The following LAMA2 variants were observed in gnomAD, a reference collection of about 807,000 sequenced individuals.
LAMA2 encodes the protein laminin subunit alpha 2, also known as laminin subunit alpha-2.
LAMA2 carries 269 observed loss-of-function variants against 364.8 expected under a neutral mutation model. That is an observed-to-expected ratio of 0.74 (90% CI 0.67 to 0.82). The LOEUF (loss-of-function observed/expected upper bound fraction) is 0.82, where lower values mean the gene tolerates loss of function less well. Among genes scored for constraint, LAMA2 ranks in the 40% least tolerant of loss-of-function variants. The pLI is 0.00. For synonymous variants in LAMA2, 1,379 were observed against 1,370.6 expected (o/e 1.01, Z -0.14); for missense variants, 3,807 against 3,873.2 (o/e 0.98, Z 0.45).
chr6:129,148,955 T>C (rs1160506211), intron 6 of LAMA2, 24 bp from the exon 7 acceptor site: 6 of 1,512,636 alleles, frequency 4.0e-6, no homozygotes, highest in Middle Eastern at 3.4e-4. Context: ...CTAAAATTTG[T>C]GCTTCCTCCC....
At chr6:129,074,803 G>T (rs913107387) in intron 3 of LAMA2, among the ~76,000 whole-genome samples, 1 of 152,104 alleles carries the variant, frequency 6.6e-6, no homozygotes, top group Non-Finnish European at 1.5e-5. Flanking sequence ...GGGATCGTGT[G>T]GAAAATCTGG....
chr6:129,027,832 TAA>T (rs1458077429), intron 1 of LAMA2, among the ~76,000 whole-genome samples: 6 of 151,804 alleles, frequency 4.0e-5, no homozygotes, highest in Admixed American at 1.3e-4. Flanking sequence ...TTGAGAATAT[TAA>T]GAGATAAAAT....
At chr6:128,941,381 T>C (rs904010121) in intron 1 of LAMA2, among the ~76,000 whole-genome samples, 1 of 152,154 alleles carries the variant, frequency 6.6e-6, no homozygotes. Flanking sequence ...AAGTTTGTGT[T>C]AGAAGGGTCA....
chr6:129,392,932 T>A, intron 36 of LAMA2, 113 bp from the exon 37 acceptor site: 1 of 849,512 alleles, frequency 1.2e-6, no homozygotes, highest in Non-Finnish European at 1.9e-6. Flanking sequence ...CATGTTTTCT[T>A]ATTTTCTCAT....
chr6:129,276,871 A>G (rs1788361703), intron 17 of LAMA2, among the ~76,000 whole-genome samples: 1 of 152,108 alleles, frequency 6.6e-6, no homozygotes, highest in African/African-American at 2.4e-5. Flanking sequence ...GAACAAGGTT[A>G]ATTGTTTCTC....
chr6:129,053,311 T>C (rs1788223610), intron 2 of LAMA2, among the ~76,000 whole-genome samples: 1 of 152,074 alleles, frequency 6.6e-6, no homozygotes, highest in Non-Finnish European at 1.5e-5. Context: ...TTGATCCAAC[T>C]GCCTCGGCCT....
intron 4 of LAMA2, among the ~76,000 whole-genome samples, chr6:129,123,075 G>A (rs1217111962): frequency 6.6e-6 from 1 of 152,020 alleles, no homozygotes; most frequent in African/African-American, 2.4e-5. Flanking sequence ...GCTGAGGCAG[G>A]CAGAGCATTT....
chr6:129,147,985 T>C (rs1778569332), intron 6 of LAMA2, among the ~76,000 whole-genome samples: 1 of 152,020 alleles, frequency 6.6e-6, no homozygotes, highest in Non-Finnish European at 1.5e-5. Flanking sequence ...TGCAGGTTTG[T>C]TACATAGGTA....
At chr6:128,884,480 A>G (rs1053768044) in intron 1 of LAMA2, among the ~76,000 whole-genome samples, 7 of 152,180 alleles carry the variant, frequency 4.6e-5, no homozygotes, top group Non-Finnish European at 1.5e-5. Flanking sequence ...AGCCAAGTCA[A>G]TAGTTCTGAT....
At chr6:129,205,249 G>A (rs1295797473) in intron 12 of LAMA2, among the ~76,000 whole-genome samples, 2 of 151,568 alleles carry the variant, frequency 1.3e-5, no homozygotes, top group Non-Finnish European at 2.9e-5. Flanking sequence ...AAAATTAGCT[G>A]GACCTAGTGG....
In LAMA2 at chr6:129,478,778, G is replaced by A. The variant is rs749794799; in HGVS notation, c.7537G>A (p.Asp2513Asn). The A allele has an allele frequency of 1.1e-5, 18 of 1,613,074 alleles. No individual in the cohort carries two copies. In the Admixed American group the frequency reaches 1.8e-4, roughly 16 times the overall value. ...RTPYNILSSP[D>N]YVGVTKGCSL... ...TCCGTACAATATACTCAGTAGTCCC[G>A]ATTATGTTGGTGTTACCAAAGGATG... Residue 2513 changes from aspartate to asparagine, a missense_variant, in exon 54 of 65, where the codon GAT (aspartate) becomes AAT (asparagine). Asp to Asn is a conservative substitution (Grantham distance 23). Around this residue, in one of 3 missense-constraint regions of LAMA2, gnomAD observed 3,333 missense variants for 3,345.7 expected, o/e 1.00. Transcript: ENST00000421865.
At position 129,023,960 on chromosome 6, in the gene LAMA2, C is replaced by T. The variant is rs141115329; in HGVS notation, c.113-25958C>T. ...TGTTGTTTTGGTTTGGTTTTAGAGACGAGGCAGGTGAATAGGTATAGACTG... is the reference window on the plus strand; with the variant it reads ...TGTTGTTTTGGTTTGGTTTTAGAGATGAGGCAGGTGAATAGGTATAGACTG... On this transcript the variant is annotated intron_variant, in intron 1 of 64. Coordinates refer to ENST00000421865, the MANE Select transcript of LAMA2 (RefSeq NM_000426.4). Among the ~76,000 whole-genome samples, 1,453 of 152,036 alleles carry T rather than the reference C, an allele frequency of 9.6e-3. 18 individuals are homozygous for T. Among genetic ancestry groups the T allele is most frequent in the Non-Finnish European group, 0.015 (1,019 of 67,992 alleles).
intron 3 of LAMA2, among the ~76,000 whole-genome samples, chr6:129,076,503 A>ACAT (rs1554212306): frequency 7.2e-4 from 94 of 130,414 alleles, no homozygotes; most frequent in African/African-American, 2.8e-3. Flanking sequence ...ATATATAAAT[A>ACAT]TATATATATA....
At chr6:128,973,664 G>A (rs2114622274) in intron 1 of LAMA2, among the ~76,000 whole-genome samples, 1 of 152,250 alleles carries the variant, frequency 6.6e-6, no homozygotes, top group African/African-American at 2.4e-5. Context: ...TTCTTCTTGG[G>A]AATTTGAGAA....
intron 9 of LAMA2, among the ~76,000 whole-genome samples, chr6:129,171,528 TTCTGCCGAGCGA>T (rs1203191840): frequency 6.6e-6 from 1 of 152,210 alleles, no homozygotes; most frequent in Non-Finnish European, 1.5e-5. Flanking sequence ...CTTGTAGAGT[TTCTGCCGAGCGA>T]TCTGCTGTTA....
chr6:128,990,536 G>A (rs905208237), intron 1 of LAMA2, among the ~76,000 whole-genome samples: 2 of 152,176 alleles, frequency 1.3e-5, no homozygotes, highest in Admixed American at 6.6e-5. Context: ...CACCATTGGA[G>A]GTAATAGCGC....
At chr6:129,116,777 GT>G (rs1776508324) in intron 4 of LAMA2, among the ~76,000 whole-genome samples, 1 of 151,798 alleles carries the variant, frequency 6.6e-6, no homozygotes, top group Admixed American at 6.6e-5. Flanking sequence ...GGACTTGCAG[GT>G]TGTCTGGTTT....
chr6:129,104,957 G>A (rs1775734650), intron 4 of LAMA2, among the ~76,000 whole-genome samples: 1 of 152,188 alleles, frequency 6.6e-6, no homozygotes, highest in Admixed American at 6.5e-5. Context: ...TGGCAAAGGA[G>A]GGATAATGGA....
chr6:129,208,374 CTATTAT>C (rs1479786956), intron 12 of LAMA2, among the ~76,000 whole-genome samples: 1 of 151,874 alleles, frequency 6.6e-6, no homozygotes, highest in African/African-American at 2.4e-5. Context: ...TTGGTATTAG[CTATTAT>C]TATTAACTCC....
Sources: allele counts gnomAD v4.1 joint callset (sites outside exome capture counted in the v4.1 genomes callset), GRCh38; gene constraint gnomAD v4.1.1; regional missense constraint gnomAD v4.1.1; transcripts MANE v1.5; gene names NCBI Gene and HGNC (gene_info 2026-07-23, HGNC 2026-07-21).